Variants in RPS6KC1 observed in about 807,000 individuals in gnomAD.
The protein encoded by RPS6KC1 is inactive ribosomal protein S6 kinase delta-1.
In RPS6KC1, 54 loss-of-function variants were observed where a neutral mutation model predicts 103.8. The observed-to-expected ratio is 0.52, with a 90% CI of 0.42 to 0.65. RPS6KC1 has a LOEUF of 0.65. Ranked by LOEUF, RPS6KC1 falls within the 30% of genes least tolerant of loss-of-function variation. RPS6KC1 has a pLI of 0.00. For missense variants in RPS6KC1, 1,151 were observed against 1,253.8 expected (o/e 0.92, Z 1.24); for synonymous variants, 439 against 438.7 (o/e 1.00, Z -0.01).
the RPS6KC1 span, among the ~76,000 whole-genome samples, chr1:213,683,732 G>T: frequency 6.6e-6 from 1 of 152,082 alleles, no homozygotes; most frequent in African/African-American, 2.4e-5. Context: ...AGGGACCTTG[G>T]CCCGGCCCGT....
the RPS6KC1 span, among the ~76,000 whole-genome samples, chr1:213,701,801 CT>C: frequency 2.0e-5 from 3 of 151,372 alleles, no homozygotes; most frequent in Non-Finnish European, 4.4e-5. Context: ...AGTCTTCTCA[CT>C]TTTTTTTTCT....
chr1:213,697,555 T>C, the RPS6KC1 span, among the ~76,000 whole-genome samples: 36 of 152,308 alleles, frequency 2.4e-4, no homozygotes, highest in African/African-American at 6.7e-4. Flanking sequence ...TTTGGCTCCT[T>C]CTCCAGCTAC....
At chr1:213,063,356 A>G (rs2078014586) in intron 1 of RPS6KC1, among the ~76,000 whole-genome samples, 2 of 152,342 alleles carry the variant, frequency 1.3e-5, no homozygotes, top group South Asian at 2.1e-4. Flanking sequence ...CTTTGGAGTC[A>G]TGGAGTTGTG....
chr1:213,106,050 TG>T (rs1305928247), intron 4 of RPS6KC1, among the ~76,000 whole-genome samples: 1 of 152,218 alleles, frequency 6.6e-6, no homozygotes, highest in Non-Finnish European at 1.5e-5. Flanking sequence ...TAATTGTTGC[TG>T]GAAGTCACTG....
the RPS6KC1 span, among the ~76,000 whole-genome samples, chr1:213,385,520 A>G: frequency 6.6e-6 from 1 of 152,200 alleles, no homozygotes. Flanking sequence ...GGAGGATGTT[A>G]TAGGCAAAAT....
At chr1:213,398,660 T>C in the RPS6KC1 span, among the ~76,000 whole-genome samples, 1 of 152,194 alleles carries the variant, frequency 6.6e-6, no homozygotes, top group Non-Finnish European at 1.5e-5. Flanking sequence ...TCTTTTTCCT[T>C]GGAAGCTCAG....
chr1:213,672,030 C>G, the RPS6KC1 span, among the ~76,000 whole-genome samples: 1 of 152,056 alleles, frequency 6.6e-6, no homozygotes, highest in Non-Finnish European at 1.5e-5. Flanking sequence ...ACACAGGTCA[C>G]TTTAGCCACA....
chr1:213,174,870 A>G (rs2091761839), intron 7 of RPS6KC1, among the ~76,000 whole-genome samples: 1 of 152,092 alleles, frequency 6.6e-6, no homozygotes, highest in Non-Finnish European at 1.5e-5. Flanking sequence ...TTAAATAAAT[A>G]TTTTTGAAAT....
At chr1:213,359,996 C>T in the RPS6KC1 span, among the ~76,000 whole-genome samples, 3 of 152,220 alleles carry the variant, frequency 2.0e-5, no homozygotes, top group East Asian at 5.8e-4. Flanking sequence ...AACATTTTTT[C>T]CTTCATTTCA....
intron 2 of RPS6KC1, chr1:213,073,001 G>T: frequency 1.7e-6 from 1 of 603,482 alleles, no homozygotes; most frequent in South Asian, 7.4e-5. Flanking sequence ...GTGTCTTTTA[G>T]TTAGACAATT....
intron 5 of RPS6KC1, among the ~76,000 whole-genome samples, chr1:213,117,695 T>A (rs1044190791): frequency 6.6e-6 from 1 of 151,784 alleles, no homozygotes; most frequent in Admixed American, 6.6e-5. Context: ...TATGGTATAA[T>A]GAGTAGTTCA....
the RPS6KC1 span, among the ~76,000 whole-genome samples, chr1:213,789,353 T>C: frequency 6.6e-6 from 1 of 152,196 alleles, no homozygotes; most frequent in Non-Finnish European, 1.5e-5. Flanking sequence ...GTTTAATTAA[T>C]GAACATATTT....
At chr1:213,414,297 A>T in the RPS6KC1 span, among the ~76,000 whole-genome samples, 2 of 152,238 alleles carry the variant, frequency 1.3e-5, no homozygotes, top group Non-Finnish European at 1.5e-5. Context: ...CTCAAAATTC[A>T]TGTGCACCTG....
At chr1:213,566,437 G>GTTTTTTTTTTTTTTTTTTTTT in the RPS6KC1 span, among the ~76,000 whole-genome samples, 12 of 48,518 alleles carry the variant, frequency 2.5e-4, no homozygotes, top group East Asian at 9.2e-4. Context: ...TCAGCCTTTA[G>GTTTTTTTTTTTTTTTTTTTTT]TTTTTTTTTT....
At chr1:213,509,967 T>G in the RPS6KC1 span, among the ~76,000 whole-genome samples, 1 of 152,214 alleles carries the variant, frequency 6.6e-6, no homozygotes, top group African/African-American at 2.4e-5. Flanking sequence ...CAGCAAGATA[T>G]CTGGTCTCTT....
intron 3 of RPS6KC1, among the ~76,000 whole-genome samples, chr1:213,092,256 A>G (rs899930761): frequency 2.0e-5 from 3 of 152,224 alleles, no homozygotes; most frequent in African/African-American, 7.2e-5. Flanking sequence ...ACATATACAC[A>G]GGGTGTTCAT....
At chr1:213,218,801 G>C (rs2093741287) in intron 8 of RPS6KC1, among the ~76,000 whole-genome samples, 2 of 152,136 alleles carry the variant, frequency 1.3e-5, no homozygotes, top group Non-Finnish European at 2.9e-5. Context: ...ATGGTGCTGG[G>C]AAAACTGGCT....
chr1:213,463,117 T>C, the RPS6KC1 span, among the ~76,000 whole-genome samples: 2 of 152,246 alleles, frequency 1.3e-5, no homozygotes, highest in Non-Finnish European at 2.9e-5. Context: ...AAACAATGTG[T>C]TTATTCTTGT....
the RPS6KC1 span, among the ~76,000 whole-genome samples, chr1:213,383,569 T>TC: frequency 0.042 from 6,335 of 152,224 alleles, 190 homozygotes; most frequent in Non-Finnish European, 0.059. Flanking sequence ...AATATTTGTG[T>TC]CCCCCACCCC....
Sources: allele counts gnomAD v4.1 joint callset (sites outside exome capture counted in the v4.1 genomes callset), GRCh38; gene constraint gnomAD v4.1.1; transcripts MANE v1.5; gene names NCBI Gene and HGNC (gene_info 2026-07-23, HGNC 2026-07-21).